The following KNDC1 variants were observed in gnomAD, a reference collection of about 807,000 sequenced individuals.
The protein encoded by KNDC1 is kinase non-catalytic C-lobe domain containing 1.
KNDC1 carries 106 observed loss-of-function variants against 172.8 expected under a neutral mutation model. That is an observed-to-expected ratio of 0.61 (90% CI 0.52 to 0.72). KNDC1 has a LOEUF of 0.72. Ranked by LOEUF, KNDC1 falls within the 30% of genes least tolerant of loss-of-function variation. KNDC1 has a pLI of 0.00. For synonymous variants in KNDC1, 1,083 were observed against 1,062.2 expected (o/e 1.02, Z -0.38); for missense variants, 2,325 against 2,394.5 (o/e 0.97, Z 0.61).
intron 3 of KNDC1, among the ~76,000 whole-genome samples, chr10:133,176,264 T>A (rs1853535968): frequency 6.7e-6 from 1 of 150,196 alleles, no homozygotes; most frequent in Non-Finnish European, 1.5e-5. Context: ...CATAGGCGGA[T>A]GGATGCATGG....
chr10:133,201,122 G>A (rs1854350978), intron 16 of KNDC1, among the ~76,000 whole-genome samples: 1 of 152,228 alleles, frequency 6.6e-6, no homozygotes. Flanking sequence ...GACAGAGCTG[G>A]GGACCACTTT....
At position 133,183,385 on chromosome 10, in the gene KNDC1, C is replaced by G; in HGVS notation, c.402C>G (p.Leu134=). The G allele has an allele frequency of 6.3e-7, 1 of 1,597,962 alleles. No individual in the cohort carries two copies. Among genetic ancestry groups the G allele is most frequent in the South Asian group, 1.1e-5 (1 of 88,278 alleles). The part of the protein sequence containing the change: ...YSLGATLKAA[L]EYVAEPTLEP... Reference sequence around the variant, plus strand: ...TGGGGGCCACGCTGAAGGCCGCCCTCGAGTACGTGGCAGAGCCCACACTGG... The same window carrying G: ...TGGGGGCCACGCTGAAGGCCGCCCTGGAGTACGTGGCAGAGCCCACACTGG... Residue 134 remains leucine, a synonymous_variant, in exon 4 of 30, where the codon CTC becomes CTG. Transcript: ENST00000304613.
Position 133,225,024 on chromosome 10 carries a change from G to A in KNDC1, c.*134G>A. On this transcript the variant is annotated 3_prime_UTR_variant, in exon 30 of 30. Transcript: ENST00000304613. ...CCCGAACCCTGGGGAGCTGGACCAG[G>A]AGGTGGAGGCTCAGGGGACCCCATG... 1 of 716,490 alleles carries A rather than the reference G, an allele frequency of 1.4e-6. No homozygotes were observed. The highest frequency in any genetic ancestry group is 2.4e-5 in the Admixed American group (1 of 41,668). The allele number at this position is 716,490 out of a possible 1,614,324, so 44.4% of individuals were successfully genotyped here.
Position 133,201,757 on chromosome 10 carries a change from C to A in KNDC1, c.3246C>A (p.Gly1082=). The stretch of plus-strand genomic sequence containing the variant: ...GGGTCGGCCCAGCCTTGTCCCCCGG[C>A]CCAGCCGGATTCCAGAGCTGCAGCC... ...SKGVGPALSP[G]PAGFQSCSPG... The change falls in exon 17 of 30, where the codon GGC becomes GGA. Residue 1082 remains glycine (G), a synonymous_variant. Coordinates refer to ENST00000304613, the MANE Select transcript of KNDC1 (RefSeq NM_152643.8). 6.4e-7 allele frequency: 1 copy of A among 1,567,070 alleles called. No individual in the cohort carries two copies. Among genetic ancestry groups the A allele is most frequent in the Non-Finnish European group, 8.6e-7 (1 of 1,158,012 alleles).
At chr10:133,202,005 A>G in intron 17 of KNDC1, 107 bp downstream of exon 17, 1 of 1,233,364 alleles carries the variant, frequency 8.1e-7, no homozygotes, top group Non-Finnish European at 1.1e-6. Flanking sequence ...AGAGCCCCCA[A>G]CAGGGTGACA....
Position 133,225,063 on chromosome 10 carries a change from C to A in KNDC1, c.*173C>A. 1 of 610,048 alleles carries A rather than the reference C, an allele frequency of 1.6e-6. No individual in the cohort carries two copies. Among genetic ancestry groups the A allele is most frequent in the Non-Finnish European group, 2.9e-6 (1 of 339,152 alleles). The allele number at this position is 610,048 out of a possible 1,614,324, so 37.8% of individuals were successfully genotyped here. ...GGGGACCCCATGGGGACAGGCAGAG[C>A]TGGTCTCCTCCCAGCAGACGGAGCC... On this transcript the variant is annotated 3_prime_UTR_variant, in exon 30 of 30. Coordinates refer to ENST00000304613, the MANE Select transcript of KNDC1 (RefSeq NM_152643.8).
In KNDC1 at chr10:133,168,321, A is replaced by T. The variant is rs756888307; in HGVS notation, c.360+9A>T. The stretch of plus-strand genomic sequence containing the variant: ...CCGGGAACACCTTTGAGGTAAGTGC[A>T]GGTGGGGGTAATGTGCCACACCCCC... On this transcript the variant is annotated intron_variant, in intron 3 of 29. Coordinates refer to ENST00000304613, the MANE Select transcript of KNDC1 (RefSeq NM_152643.8). 1.9e-6 allele frequency: 3 copies of T among 1,613,584 alleles called. No individual in the cohort carries two copies. The highest frequency in any genetic ancestry group is 4.5e-5 in the East Asian group (2 of 44,866).
chr10:133,193,090 A>G (rs1198889961), intron 9 of KNDC1, among the ~76,000 whole-genome samples: 1 of 126,724 alleles, frequency 7.9e-6, no homozygotes, highest in African/African-American at 2.5e-5. Context: ...CAGCTTACAT[A>G]TATACACATA....
In KNDC1 at chr10:133,186,034, C is replaced by T. The variant is rs759334172; in HGVS notation, c.686C>T (p.Pro229Leu). The change falls in exon 6 of 30, where the codon CCG becomes CTG. Residue 229 changes from proline (P) to leucine (L), a missense_variant. Transcript: ENST00000304613. ...CCAGGAAACGCTGGGCCCAGGAGGC[C>T]GCCCGGGGACCCCAGCACTGACCCG... ...PAPGNAGPRR[P>L]PGDPSTDPEV... 2.8e-5 allele frequency: 45 copies of T among 1,593,730 alleles called. No homozygotes were observed. In the Admixed American group the frequency reaches 6.4e-4, roughly 23 times the overall value.
Position 133,206,884 on chromosome 10 carries a change from G to C in KNDC1, c.3510G>C (p.Lys1170Asn). 6.2e-7 allele frequency: 1 copy of C among 1,614,164 alleles called. No homozygotes were observed. Among genetic ancestry groups the C allele is most frequent in the Non-Finnish European group, 8.5e-7 (1 of 1,180,020 alleles). ...KGSDVKTMLS[K>N]LKGQLEEMKS... ...CCGACGTCAAGACCATGCTGTCCAA[G>C]CTGAAAGGGCAGCTAGAAGAAATGA... Residue 1170 changes from lysine (K) to asparagine (N), a missense_variant, in exon 19 of 30, where the codon AAG becomes AAC. Physicochemically the swap from Lys to Asn is moderately conservative, Grantham distance 94. Transcript: ENST00000304613.
At chr10:133,165,162 A>G (rs926150957) in intron 1 of KNDC1, among the ~76,000 whole-genome samples, 1 of 152,192 alleles carries the variant, frequency 6.6e-6, no homozygotes, top group African/African-American at 2.4e-5. Context: ...CCCTGAGGGG[A>G]GGCTTCAGCC....
rs768812538 is a variant in KNDC1, at chr10:133,201,665, G to A, written c.3154G>A (p.Glu1052Lys). The change falls in exon 17 of 30, where the codon GAG becomes AAG. Residue 1052 changes from glutamate (E) to lysine (K), a missense_variant. Glu to Lys is a moderately conservative substitution (Grantham distance 56). Coordinates refer to ENST00000304613, the MANE Select transcript of KNDC1 (RefSeq NM_152643.8). ...GAGAGCGCAGCAGCCTGAGGCTGGC[G>A]AGGACAGACGGCCAGCTGGCGGGGC... ...AERAQQPEAG[E>K]DRRPAGGASD... 2.1e-5 allele frequency: 34 copies of A among 1,612,688 alleles called. No individual in the cohort carries two copies. The highest frequency in any genetic ancestry group is 6.7e-5 in the African/African-American group (5 of 74,944).
chr10:133,182,182 T>C (rs1853737727), intron 3 of KNDC1, among the ~76,000 whole-genome samples: 1 of 152,120 alleles, frequency 6.6e-6, no homozygotes, highest in Non-Finnish European at 1.5e-5. Context: ...CTGTGAAGAC[T>C]GGATGCTCCG....
chr10:133,202,715 G>C (rs1367474287), intron 17 of KNDC1: 1 of 455,484 alleles, frequency 2.2e-6, no homozygotes, highest in African/African-American at 2.0e-5. Flanking sequence ...ACTCAGTCCA[G>C]AACATGACCC....
intron 10 of KNDC1, among the ~76,000 whole-genome samples, chr10:133,196,784 G>A (rs1286687171): frequency 6.6e-6 from 1 of 152,226 alleles, no homozygotes; most frequent in African/African-American, 2.4e-5. Flanking sequence ...AGGGCTGCCA[G>A]TGTCCAGGCG....
Position 133,201,538 on chromosome 10 carries a change from G to C in KNDC1, c.3027G>C (p.Arg1009Ser), listed in dbSNP as rs1186644788. Reference protein sequence around the residue: ...EKPAMARTSSRAPCSPTSVSD... With the variant: ...EKPAMARTSSSAPCSPTSVSD... Reference sequence around the variant, plus strand: ...CAGCCATGGCCAGGACCAGCAGCAGGGCCCCCTGCTCACCCACCTCGGTGT... The same window carrying C: ...CAGCCATGGCCAGGACCAGCAGCAGCGCCCCCTGCTCACCCACCTCGGTGT... Residue 1009 changes from arginine (R) to serine (S), a missense_variant, in exon 17 of 30, where the codon AGG (arginine) becomes AGC (serine). Transcript: ENST00000304613. 8 of 1,610,080 alleles carry C rather than the reference G, an allele frequency of 5.0e-6. No homozygotes were observed. The highest frequency in any genetic ancestry group is 1.1e-5 in the South Asian group (1 of 90,800).
At chr10:133,192,689 T>C (rs1411724613) in intron 9 of KNDC1, among the ~76,000 whole-genome samples, 1 of 152,088 alleles carries the variant, frequency 6.6e-6, no homozygotes, top group Admixed American at 6.6e-5. Flanking sequence ...AATAGCAGAA[T>C]AGAGAGGGCA....
At position 133,211,301 on chromosome 10, in the gene KNDC1, C is replaced by T; in HGVS notation, c.3909-121C>T. 9.1e-6 allele frequency: 8 copies of T among 883,566 alleles called. No individual in the cohort carries two copies. In the South Asian group the frequency reaches 1.4e-4, roughly 16 times the overall value. The allele number at this position is 883,566 out of a possible 1,614,324, so 54.7% of individuals were successfully genotyped here. On this transcript the variant is annotated intron_variant, in intron 21 of 29. Coordinates refer to ENST00000304613, the MANE Select transcript of KNDC1 (RefSeq NM_152643.8). ...CACGGAAGACCCCCAGCCCCCTAAG[C>T]CCCCTGCACACATGGAGCCTGGTCC... is the stretch of plus-strand genomic sequence containing the variant.
chr10:133,186,807 A>G, intron 6 of KNDC1, 133 bp downstream of exon 6: 1 of 674,238 alleles, frequency 1.5e-6, no homozygotes, highest in East Asian at 3.0e-5. Context: ...AATTAAAGAC[A>G]TTTTCATTGA....
Sources: gnomAD v4.1 joint callset for allele counts (sites outside exome capture counted in the v4.1 genomes callset) on GRCh38, gnomAD v4.1.1 for gene constraint, MANE v1.5 for transcripts, NCBI Gene and HGNC (gene_info 2026-07-23, HGNC 2026-07-21) for gene names.